The following CRISPLD2 variants were observed in gnomAD, a reference collection of about 807,000 sequenced individuals.
CRISPLD2 encodes cysteine rich secretory protein LCCL domain containing 2, also known as cysteine-rich secretory protein LCCL domain-containing 2.
A neutral mutation model predicts 71.1 loss-of-function variants in CRISPLD2; 47 were observed. The ratio of observed to expected loss-of-function variants is 0.66; its 90% confidence interval spans 0.52 to 0.84. The LOEUF (loss-of-function observed/expected upper bound fraction) is 0.84. Ranked by LOEUF, CRISPLD2 falls within the 40% of genes least tolerant of loss-of-function variation. The probability of loss-of-function intolerance (pLI) is 0.00; values close to 1 mark genes in which losing one functional copy is unlikely to be tolerated. For missense variants in CRISPLD2, 830 were observed against 651.1 expected, an observed-to-expected ratio of 1.27 and a Z score of -2.99; for synonymous variants, 317 against 250.1, an observed-to-expected ratio of 1.27 and a Z score of -2.52.
intron 1 of CRISPLD2, chr16:84,836,309 A>G (rs1044581335): frequency 3.3e-5 from 5 of 152,164 alleles, no homozygotes; most frequent in Admixed American, 2.0e-4. Context: ...GTTTTCTGGC[A>G]TCTCTTCTTT....
In CRISPLD2 at chr16:84,908,680, C is replaced by CTTTTTT. The variant is rs202056163; in HGVS notation, c.*2056_*2061dup. 8.5e-6 allele frequency: 1 copy of CTTTTTT among 117,466 alleles called. No homozygotes were observed. Among genetic ancestry groups the CTTTTTT allele is most frequent in the East Asian group, 2.5e-4 (1 of 4,022 alleles). The allele number at this position is 117,466 out of a possible 1,614,324, so 7.3% of individuals were successfully genotyped here. A position where few individuals can be genotyped will look rare whatever the true frequency, so the allele number is the denominator to read the frequency against. ...CTTGCCCAGAGCAGGACCTGGCTGT[C>CTTTTTT]TTTTTTTTTTTTTTTTTTTTTTTCC... On this transcript the variant is annotated 3_prime_UTR_variant, in exon 15 of 15. Transcript: ENST00000262424.
At chr16:84,905,460 C>T (rs901949835) in intron 14 of CRISPLD2, among the ~76,000 whole-genome samples, 14 of 151,912 alleles carry the variant, frequency 9.2e-5, no homozygotes, top group Admixed American at 5.9e-4. Context: ...AGTGCAGTGG[C>T]AGAATCTTGG....
chr16:84,890,052 C>T (rs1367926163), intron 14 of CRISPLD2, among the ~76,000 whole-genome samples: 2 of 152,092 alleles, frequency 1.3e-5, no homozygotes, highest in Non-Finnish European at 2.9e-5. Flanking sequence ...ATGGTGCCTA[C>T]CTATTGCCAG....
chr16:84,867,918 C>G (rs568527865), intron 7 of CRISPLD2, among the ~76,000 whole-genome samples: 11 of 152,360 alleles, frequency 7.2e-5, no homozygotes, highest in South Asian at 2.1e-4. Flanking sequence ...TCAGCTCCCC[C>G]CAGCCACTGC....
At chr16:84,858,759 G>A (rs147742377) in intron 6 of CRISPLD2, among the ~76,000 whole-genome samples, 17 of 152,312 alleles carry the variant, frequency 1.1e-4, no homozygotes, top group Middle Eastern at 6.8e-3. Context: ...TCAGCTGAAG[G>A]CAAATTACTT....
intron 3 of CRISPLD2, 199 bp from the exon 4 acceptor site, chr16:84,849,186 G>T (rs1211262218): frequency 7.1e-6 from 4 of 564,740 alleles, no homozygotes; most frequent in African/African-American, 5.6e-5. Flanking sequence ...CCTCCTCGCT[G>T]CCCGTGGCTG....
chr16:84,876,747 G>A (rs1327546287), intron 11 of CRISPLD2, among the ~76,000 whole-genome samples: 7 of 150,866 alleles, frequency 4.6e-5, no homozygotes, highest in Non-Finnish European at 8.9e-5. Context: ...AGCCAAGATC[G>A]TGCCGTTTCA....
intron 14 of CRISPLD2, among the ~76,000 whole-genome samples, chr16:84,902,390 G>A (rs749003621): frequency 5.3e-5 from 8 of 151,532 alleles, no homozygotes; most frequent in Non-Finnish European, 1.0e-4. Context: ...AGGGTGGATC[G>A]CAAGGTCAGG....
chr16:84,906,406 G>T (rs2071802738), intron 14 of CRISPLD2, among the ~76,000 whole-genome samples, 182 bp from the exon 15 acceptor site: 1 of 152,142 alleles, frequency 6.6e-6, no homozygotes, highest in South Asian at 2.1e-4. Context: ...AATGGGATTT[G>T]CCACCTGTTC....
At chr16:84,873,853 C>T (rs1209707692) in intron 10 of CRISPLD2, 67 bp from the exon 11 acceptor site, 1 of 1,421,484 alleles carries the variant, frequency 7.0e-7, no homozygotes, top group Non-Finnish European at 9.6e-7. Flanking sequence ...AGCAAGCGTT[C>T]ACTTTTAGAA....
chr16:84,904,561 GC>G (rs1486845621), intron 14 of CRISPLD2, among the ~76,000 whole-genome samples: 3 of 150,674 alleles, frequency 2.0e-5, no homozygotes, highest in Non-Finnish European at 4.4e-5. Context: ...TCCAGCCTGG[GC>G]AACAGAGCGA....
intron 6 of CRISPLD2, among the ~76,000 whole-genome samples, chr16:84,861,214 A>G (rs1248448166): frequency 3.3e-5 from 5 of 152,108 alleles, no homozygotes; most frequent in Admixed American, 3.3e-4. Flanking sequence ...AACTCCAGAA[A>G]CCCTAAAACC....
intron 13 of CRISPLD2, among the ~76,000 whole-genome samples, chr16:84,885,455 C>T (rs950446259): frequency 6.6e-6 from 1 of 152,226 alleles, no homozygotes; most frequent in African/African-American, 2.4e-5. Context: ...GGGAGGCCGG[C>T]CATCCCCGGT....
Position 84,881,714 on chromosome 16 carries a change from G to A in CRISPLD2, c.1305+1130G>A, listed in dbSNP as rs117145733. ...TGATCTCGAACTCCTGGGCTCGAGC[G>A]ATCCTCCCTCCTTGGCCTCCCAAAG... On this transcript the variant is annotated intron_variant, in intron 13 of 14. Coordinates refer to ENST00000262424, the MANE Select transcript of CRISPLD2 (RefSeq NM_031476.4). Among the ~76,000 whole-genome samples, 1,289 of 152,154 alleles carry A rather than the reference G, an allele frequency of 8.5e-3. 55 individuals are homozygous for A. In the East Asian group the frequency reaches 0.12, roughly 14 times the overall value.
chr16:84,897,144 C>T (rs1313718500), intron 14 of CRISPLD2, among the ~76,000 whole-genome samples: 1 of 152,210 alleles, frequency 6.6e-6, no homozygotes, highest in Non-Finnish European at 1.5e-5. Context: ...TTACTCTGGC[C>T]TTTAAAGGGC....
chr16:84,906,095 T>C (rs1013260860), intron 14 of CRISPLD2, among the ~76,000 whole-genome samples: 1 of 152,132 alleles, frequency 6.6e-6, no homozygotes, highest in African/African-American at 2.4e-5. Flanking sequence ...CATGGGACCC[T>C]GGGTAAATCT....
intron 14 of CRISPLD2, among the ~76,000 whole-genome samples, chr16:84,897,349 G>A (rs2071715438): frequency 6.6e-6 from 1 of 151,980 alleles, no homozygotes; most frequent in South Asian, 2.1e-4. Flanking sequence ...GTACTTGGGA[G>A]GCTGAGGTAG....
intron 6 of CRISPLD2, among the ~76,000 whole-genome samples, chr16:84,858,134 G>A (rs1476611616): frequency 1.3e-5 from 2 of 152,152 alleles, no homozygotes; most frequent in Non-Finnish European, 2.9e-5. Flanking sequence ...TCACCTATGG[G>A]AGCCTGCCAG....
At position 84,854,735 on chromosome 16, in the gene CRISPLD2, C is replaced by A; in HGVS notation, c.615C>A (p.Asn205Lys). The A allele has an allele frequency of 6.2e-7, 1 of 1,613,856 alleles. No homozygotes were observed. The highest frequency in any genetic ancestry group is 8.5e-7 in the Non-Finnish European group (1 of 1,179,770). ...YFVCNYSPKG[N>K]WIGEAPYKNG... ...TTTTTGGGTCTGTCCTCAGGGGGAA[C>A]TGGATTGGAGAAGCCCCCTACAAGA... The change falls in exon 6 of 15, where the codon AAC becomes AAA. Residue 205 changes from asparagine to lysine, a missense_variant. By Grantham distance (94) the Asn-to-Lys change is moderately conservative. Transcript: ENST00000262424.
Sources: allele counts gnomAD v4.1 joint callset (sites outside exome capture counted in the v4.1 genomes callset), GRCh38; gene constraint gnomAD v4.1.1; transcripts MANE v1.5; gene names NCBI Gene and HGNC (gene_info 2026-07-23, HGNC 2026-07-21).